SUSD4: variants seen among roughly 807,000 people sequenced by gnomAD.
SUSD4 encodes the protein sushi domain-containing protein 4.
Under a neutral mutation model 50.5 loss-of-function variants are expected in SUSD4, and 41 were observed. The observed-to-expected ratio is 0.81, with a 90% confidence interval of 0.63 to 1.05. The LOEUF (loss-of-function observed/expected upper bound fraction) is 1.05. Ranked by LOEUF, SUSD4 falls within the 50% of genes least tolerant of loss-of-function variation. The probability of loss-of-function intolerance (pLI) is 0.00; values close to 1 mark genes in which losing one functional copy is unlikely to be tolerated. For missense variants in SUSD4, 580 were observed against 634.7 expected, an observed-to-expected ratio of 0.91 and a Z score of 0.93; for synonymous variants, 257 against 257.3, an observed-to-expected ratio of 1.00 and a Z score of 0.01.
At chr1:223,352,271 G>C (rs1668410047) in intron 2 of SUSD4, among the ~76,000 whole-genome samples, 1 of 152,178 alleles carries the variant, frequency 6.6e-6, no homozygotes, top group Non-Finnish European at 1.5e-5. Flanking sequence ...AAAGAACTGG[G>C]TCTTCCTTCA....
At chr1:223,265,210 C>T (rs978461814) in intron 4 of SUSD4, among the ~76,000 whole-genome samples, 6 of 152,122 alleles carry the variant, frequency 3.9e-5, no homozygotes, top group Admixed American at 1.3e-4. Flanking sequence ...TGAGAATCAC[C>T]GAGGTGCTGT....
intron 2 of SUSD4, among the ~76,000 whole-genome samples, chr1:223,353,530 C>A (rs1398496695): frequency 6.6e-6 from 1 of 152,172 alleles, no homozygotes. Flanking sequence ...GTTAAGGGAC[C>A]TGCTTCAGAG....
chr1:223,225,358 C>T (rs947561664), intron 7 of SUSD4, among the ~76,000 whole-genome samples: 11 of 152,282 alleles, frequency 7.2e-5, no homozygotes, highest in African/African-American at 2.4e-4. Flanking sequence ...GTGCGTCTCT[C>T]TAAAGCTCAA....
At chr1:223,293,629 C>T (rs1055329323) in intron 2 of SUSD4, among the ~76,000 whole-genome samples, 5 of 152,140 alleles carry the variant, frequency 3.3e-5, no homozygotes, top group Non-Finnish European at 7.3e-5. Context: ...AGTGGAGACA[C>T]AAGGAGGATG....
At chr1:223,269,308 T>C (rs1201330716) in intron 3 of SUSD4, among the ~76,000 whole-genome samples, 1 of 151,948 alleles carries the variant, frequency 6.6e-6, no homozygotes, top group Non-Finnish European at 1.5e-5. Context: ...CTCCTAAAAA[T>C]GGAGTAAGAG....
intron 2 of SUSD4, among the ~76,000 whole-genome samples, chr1:223,361,836 G>C (rs527637345): frequency 6.6e-6 from 1 of 152,168 alleles, no homozygotes; most frequent in Non-Finnish European, 1.5e-5. Context: ...CCAGATCCAC[G>C]CAATACTGTT....
chr1:223,335,735 C>T (rs779432465), intron 2 of SUSD4, among the ~76,000 whole-genome samples: 4 of 152,150 alleles, frequency 2.6e-5, no homozygotes, highest in Non-Finnish European at 5.9e-5. Context: ...GAGAATCTAA[C>T]ACGAAGCAGT....
chr1:223,352,482 G>A (rs748374009), intron 2 of SUSD4, among the ~76,000 whole-genome samples: 25 of 152,162 alleles, frequency 1.6e-4, no homozygotes, highest in Non-Finnish European at 1.6e-4. Context: ...CTCAAATCAG[G>A]CCCTGGCATT....
chr1:223,269,287 C>G (rs1050099736), intron 3 of SUSD4, among the ~76,000 whole-genome samples: 5 of 152,210 alleles, frequency 3.3e-5, no homozygotes, highest in Non-Finnish European at 7.3e-5. Context: ...CAGAGCAAGC[C>G]ACTGTGCTGC....
intron 3 of SUSD4, among the ~76,000 whole-genome samples, chr1:223,290,703 T>C (rs1664435068): frequency 6.6e-6 from 1 of 151,952 alleles, no homozygotes; most frequent in Non-Finnish European, 1.5e-5. Context: ...AAAAAAAGAA[T>C]GACACATGCA....
chr1:223,347,877 G>A (rs1197558187), intron 2 of SUSD4, among the ~76,000 whole-genome samples: 1 of 151,908 alleles, frequency 6.6e-6, no homozygotes, highest in African/African-American at 2.4e-5. Context: ...TGATGTTATA[G>A]AGAAGCCCCA....
chr1:223,306,627 G>A (rs1234006064), intron 2 of SUSD4, among the ~76,000 whole-genome samples: 1 of 152,130 alleles, frequency 6.6e-6, no homozygotes, highest in East Asian at 1.9e-4. Context: ...GAGTAGCTGG[G>A]ACTACAGGTG....
rs568545734 is a variant in SUSD4 at position 223,322,134 on chromosome 1, T to C, written c.149-29483A>G. On this transcript the variant is annotated intron_variant, in intron 2 of 8. Transcript: ENST00000366878. Reference sequence around the variant, plus strand: ...GATGCTTAGCCTGTAATAACACTAATTGATGATATGAGATTGTGAGATATT... The same window carrying C: ...GATGCTTAGCCTGTAATAACACTAACTGATGATATGAGATTGTGAGATATT... Among the ~76,000 whole-genome samples, 4 of 108,078 alleles carry C rather than the reference T, an allele frequency of 3.7e-5. No individual in the cohort carries two copies. The East Asian group carries it at 7.3e-4, about 20-fold the overall frequency. The allele number at this position is 108,078 out of a possible 152,430, so 70.9% of individuals were successfully genotyped here.
chr1:223,275,813 T>C (rs1281596713), intron 3 of SUSD4, among the ~76,000 whole-genome samples: 1 of 150,958 alleles, frequency 6.6e-6, no homozygotes, highest in East Asian at 2.0e-4. Flanking sequence ...AGAATAGCAA[T>C]CAAAACTCAA....
intron 3 of SUSD4, among the ~76,000 whole-genome samples, chr1:223,281,556 A>C (rs1177745569): frequency 1.3e-5 from 2 of 152,238 alleles, no homozygotes; most frequent in South Asian, 2.1e-4. Flanking sequence ...TTAATCCCTG[A>C]ATAGACCAAT....
chr1:223,279,246 A>G (rs886737023), intron 3 of SUSD4, among the ~76,000 whole-genome samples: 1 of 152,248 alleles, frequency 6.6e-6, no homozygotes, highest in African/African-American at 2.4e-5. Flanking sequence ...AGTTGAGAGA[A>G]GAAGGCTTCA....
At chr1:223,262,438 C>T (rs921925244) in intron 5 of SUSD4, among the ~76,000 whole-genome samples, 1 of 152,106 alleles carries the variant, frequency 6.6e-6, no homozygotes, top group African/African-American at 2.4e-5. Flanking sequence ...TGAAAAGGGT[C>T]GATTCCTTTG....
At chr1:223,311,414 G>A (rs1434063511) in intron 2 of SUSD4, among the ~76,000 whole-genome samples, 2 of 152,224 alleles carry the variant, frequency 1.3e-5, no homozygotes, top group African/African-American at 4.8e-5. Context: ...TCTCCAGGCA[G>A]CCTGTGCTGC....
intron 5 of SUSD4, among the ~76,000 whole-genome samples, chr1:223,256,646 AG>A (rs1364486672): frequency 6.6e-6 from 1 of 152,212 alleles, no homozygotes; most frequent in African/African-American, 2.4e-5. Flanking sequence ...AGCCAGGGAC[AG>A]GGCAGCCTCT....
Sources: gnomAD v4.1 joint callset for allele counts (sites outside exome capture counted in the v4.1 genomes callset) on GRCh38, gnomAD v4.1.1 for gene constraint, MANE v1.5 for transcripts, NCBI Gene and HGNC (gene_info 2026-07-23, HGNC 2026-07-21) for gene names.